Variants in FTCDNL1 observed in about 807,000 individuals in gnomAD.
The protein encoded by FTCDNL1 is formiminotransferase N-terminal subdomain-containing protein.
A neutral mutation model predicts 5.9 loss-of-function variants in FTCDNL1; 11 were observed. That is an observed-to-expected ratio of 1.87 (90% CI 1.18 to 3.10). The LOEUF (loss-of-function observed/expected upper bound fraction) is 3.10, where lower values mean the gene tolerates loss of function less well. FTCDNL1 is among the 30% of genes most tolerant of loss of function. The pLI, the probability that FTCDNL1 is intolerant of heterozygous loss-of-function variation, is 0.00. For synonymous variants in FTCDNL1, 58 were observed against 24.8 expected (o/e 2.34, Z -3.99); for missense variants, 115 against 65.5 (o/e 1.76, Z -2.61).
the FTCDNL1 span, among the ~76,000 whole-genome samples, chr2:199,749,558 T>C: frequency 2.0e-5 from 3 of 150,868 alleles, no homozygotes; most frequent in African/African-American, 7.3e-5. Flanking sequence ...AAAAAAAGAG[T>C]ATTTGCCAGC....
intron 3 of FTCDNL1, among the ~76,000 whole-genome samples, chr2:199,779,379 A>G (rs1421661925): frequency 6.6e-6 from 1 of 152,266 alleles, no homozygotes; most frequent in Non-Finnish European, 1.5e-5. Context: ...TATTTCATAC[A>G]GAAGATCAGC....
chr2:199,717,509 ATTTTTTTT>A, the FTCDNL1 span, among the ~76,000 whole-genome samples: 26 of 57,690 alleles, frequency 4.5e-4, no homozygotes, highest in East Asian at 2.8e-3. Context: ...CAAGGCAGAG[ATTTTTTTT>A]TTTTTTTTTT....
chr2:199,756,361 G>A (rs944949273), downstream of FTCDNL1, among the ~76,000 whole-genome samples: 4 of 152,166 alleles, frequency 2.6e-5, no homozygotes, highest in Non-Finnish European at 4.4e-5. Flanking sequence ...GTGAAAGGGC[G>A]TGGGGGTGGG....
chr2:199,668,666 CTAT>C, the FTCDNL1 span, among the ~76,000 whole-genome samples: 20 of 152,136 alleles, frequency 1.3e-4, no homozygotes, highest in African/African-American at 4.6e-4. Context: ...AGTCAGTTTC[CTAT>C]TATTATTATT....
chr2:199,836,803 CCATAGCAGGGTATGGTAT>C (rs1445637703), intron 3 of FTCDNL1, among the ~76,000 whole-genome samples: 10 of 152,070 alleles, frequency 6.6e-5, no homozygotes, highest in Non-Finnish European at 1.3e-4. Context: ...GAGTAAAAGT[CCATAGCAGGGTATGGTAT>C]CAAGCTGTGA....
intron 3 of FTCDNL1, among the ~76,000 whole-genome samples, chr2:199,845,121 T>C (rs890533904): frequency 6.6e-6 from 1 of 152,188 alleles, no homozygotes; most frequent in African/African-American, 2.4e-5. Context: ...CCACTAATTA[T>C]ATTTTTCATT....
chr2:199,776,773 A>G lies in FTCDNL1; in HGVS notation c.212-15938T>C, dbSNP rs189609267. 4.5e-4 allele frequency among the ~76,000 whole-genome samples: 68 copies of G among 152,306 alleles called. No individual in the cohort carries two copies. In the East Asian group the frequency reaches 0.012, roughly 26 times the overall value. On this transcript the variant is annotated intron_variant, in intron 3 of 3. Coordinates refer to the FTCDNL1 transcript ENST00000416668. Reference sequence around the variant, plus strand: ...TAAAAAGGTACAGAAAAGTTTGTTAATCACTGTATTAGTATACTCCAGAGA... The same window carrying G: ...TAAAAAGGTACAGAAAAGTTTGTTAGTCACTGTATTAGTATACTCCAGAGA...
rs899792318 is a variant in FTCDNL1, at chr2:199,810,776, A to G, written c.*1929T>C. Reference sequence around the variant, plus strand: ...AAAGTTAAGCAGGGATTGATGAGGAATAAAGGACTGACCTCATCTTCAGCA... The same window carrying G: ...AAAGTTAAGCAGGGATTGATGAGGAGTAAAGGACTGACCTCATCTTCAGCA... On this transcript the variant is annotated 3_prime_UTR_variant, in exon 5 of 5. Coordinates refer to ENST00000420128, the MANE Select transcript of FTCDNL1 (RefSeq NM_001363886.2). Among the ~76,000 whole-genome samples the G allele has an allele frequency of 6.6e-6, 1 of 152,244 alleles. No homozygotes were observed. Among genetic ancestry groups the G allele is most frequent in the African/African-American group, 2.4e-5 (1 of 41,470 alleles).
chr2:199,782,301 G>A (rs775940986), intron 3 of FTCDNL1, among the ~76,000 whole-genome samples: 1 of 152,140 alleles, frequency 6.6e-6, no homozygotes, highest in Non-Finnish European at 1.5e-5. Flanking sequence ...CAACTTTACT[G>A]AGGAATAATT....
At chr2:199,786,366 GT>G (rs1386114132) in intron 3 of FTCDNL1, among the ~76,000 whole-genome samples, 1 of 152,048 alleles carries the variant, frequency 6.6e-6, no homozygotes, top group African/African-American at 2.4e-5. Flanking sequence ...TTAAAAGGGG[GT>G]GTCACTTAGC....
At chr2:199,743,589 T>C in the FTCDNL1 span, among the ~76,000 whole-genome samples, 1 of 152,136 alleles carries the variant, frequency 6.6e-6, no homozygotes, top group Admixed American at 6.5e-5. Flanking sequence ...AAAGGCAGCC[T>C]GTCAGAGGCT....
chr2:199,799,137 T>A (rs1237720249), intron 3 of FTCDNL1, among the ~76,000 whole-genome samples: 1 of 152,218 alleles, frequency 6.6e-6, no homozygotes, highest in African/African-American at 2.4e-5. Flanking sequence ...CCTCATGTGC[T>A]ACGCTGAAAA....
chr2:199,791,885 C>T (rs772394316), intron 3 of FTCDNL1, among the ~76,000 whole-genome samples: 1 of 151,936 alleles, frequency 6.6e-6, no homozygotes, highest in East Asian at 1.9e-4. Context: ...TATATACTAC[C>T]GCTATAGTAT....
intron 3 of FTCDNL1, among the ~76,000 whole-genome samples, chr2:199,772,983 C>T (rs1272203264): frequency 6.6e-6 from 1 of 152,138 alleles, no homozygotes; most frequent in Non-Finnish European, 1.5e-5. Flanking sequence ...CAGAAGTCAA[C>T]TGTTAACCTG....
the FTCDNL1 span, among the ~76,000 whole-genome samples, chr2:199,731,178 C>T: frequency 6.6e-6 from 1 of 152,124 alleles, no homozygotes; most frequent in African/African-American, 2.4e-5. Flanking sequence ...GAACATCACA[C>T]ACCAGGGCCT....
intron 3 of FTCDNL1, among the ~76,000 whole-genome samples, chr2:199,827,928 A>G (rs1314499195): frequency 1.3e-5 from 2 of 152,220 alleles, no homozygotes; most frequent in Non-Finnish European, 2.9e-5. Context: ...TCATGGAAGA[A>G]ATCAAGCTTG....
chr2:199,754,592 T>C, the FTCDNL1 span, among the ~76,000 whole-genome samples: 129,773 of 152,108 alleles, frequency 0.85, 56,530 homozygotes, highest in East Asian at 1. Context: ...AAGCCATATC[T>C]TAACTGATAC....
At chr2:199,739,101 T>C in the FTCDNL1 span, among the ~76,000 whole-genome samples, 1 of 152,264 alleles carries the variant, frequency 6.6e-6, no homozygotes, top group African/African-American at 2.4e-5. Context: ...AAAAATAATG[T>C]TAAATGTTTC....
intron 3 of FTCDNL1, among the ~76,000 whole-genome samples, chr2:199,790,893 G>A (rs1210385250): frequency 6.6e-6 from 1 of 152,082 alleles, no homozygotes; most frequent in Non-Finnish European, 1.5e-5. Flanking sequence ...TTCAATTTCT[G>A]TGAAAATTTA....
Sources: allele counts gnomAD v4.1 joint callset (sites outside exome capture counted in the v4.1 genomes callset), GRCh38; gene constraint gnomAD v4.1.1; transcripts MANE v1.5; gene names NCBI Gene and HGNC (gene_info 2026-07-23, HGNC 2026-07-21).